The following CEP44 variants were observed in gnomAD, a reference collection of about 807,000 sequenced individuals.
CEP44 encodes the protein centrosomal protein 44, also known as centrosomal protein of 44 kDa.
A neutral mutation model predicts 46.7 loss-of-function variants in CEP44; 45 were observed. The ratio of observed to expected loss-of-function variants is 0.96; its 90% CI spans 0.76 to 1.24. The LOEUF (loss-of-function observed/expected upper bound fraction) is 1.24, where lower values mean the gene tolerates loss of function less well. Ranked by LOEUF, CEP44 falls within the 50% of genes most tolerant of loss-of-function variation. The probability of loss-of-function intolerance (pLI) is 0.00; values close to 1 mark genes in which losing one functional copy is unlikely to be tolerated. For synonymous variants in CEP44, 142 were observed against 146.0 expected (o/e 0.97, Z 0.20); for missense variants, 475 against 459.7 (o/e 1.03, Z -0.30).
Position 174,309,981 on chromosome 4 carries a change from G to A in CEP44, c.810G>A (p.Met270Ile), listed in dbSNP as rs557197307. ...AACAAAAAATGAAAGGAAAAGTGAT[G>A]GTAGATGAAAACACCTGGACTAATC... ...CLEQKMKGKV[M>I]VDENTWTNLL... Residue 270 changes from methionine (M) to isoleucine (I), a missense_variant, in exon 8 of 12, where the codon ATG (methionine) becomes ATA (isoleucine). By Grantham distance (10) the Met-to-Ile change is conservative (BLOSUM62 1). Transcript: ENST00000503780. This position sits in a 1 kb window ranked among gnomAD's most constrained non-coding sequence, Gnocchi z 5.3. The A allele has an allele frequency of 1.4e-5, 23 of 1,612,774 alleles. No individual in the cohort carries two copies. In the South Asian group the frequency reaches 1.8e-4, roughly 12 times the overall value.
At chr4:174,316,959 C>T (rs953919565) in intron 11 of CEP44, among the ~76,000 whole-genome samples, 11 of 151,490 alleles carry the variant, frequency 7.3e-5, no homozygotes, top group African/African-American at 1.7e-4. Context: ...TGGTGTTTTT[C>T]GGCAAGTTAT....
rs1331528016 is a variant in CEP44, at chr4:174,319,384, G to A, written c.*2001G>A. 3 of 984,948 alleles carry A rather than the reference G, an allele frequency of 3.0e-6. No homozygotes were observed. Among genetic ancestry groups the A allele is most frequent in the African/African-American group, 1.7e-5 (1 of 57,212 alleles). The allele number at this position is 984,948 out of a possible 1,614,324, so 61.0% of individuals were successfully genotyped here. A position where few individuals can be genotyped will look rare whatever the true frequency, so the allele number is the denominator to read the frequency against. ...GCACCACCTTGTGGTTAACATGCCA[G>A]TATTTTACCTTTTGTTAAAACAAGT... is the stretch of plus-strand genomic sequence containing the variant. On this transcript the variant is annotated 3_prime_UTR_variant, in exon 12 of 12. Coordinates refer to ENST00000503780, the MANE Select transcript of CEP44 (RefSeq NM_001040157.3).
At chr4:174,298,844 CTT>C (rs1487385070) in intron 2 of CEP44, among the ~76,000 whole-genome samples, 1 of 152,022 alleles carries the variant, frequency 6.6e-6, no homozygotes, top group Admixed American at 6.6e-5. Context: ...ATAAGGCAAA[CTT>C]ATTTTTTTGG....
In CEP44 at chr4:174,290,781, T is replaced by C. The variant is rs1345070768; in HGVS notation, c.-148+6838T>C. On this transcript the variant is annotated intron_variant, in intron 1 of 11. Coordinates refer to ENST00000503780, the MANE Select transcript of CEP44 (RefSeq NM_001040157.3). The surrounding 1 kb of genome is among the most constrained non-coding windows in gnomAD (Gnocchi z 4.3). ...CTTCTATATTGTATCGATATCTATT[T>C]CTTCCTTCAAATCTGTCAATGTTCA... 6.6e-6 allele frequency among the ~76,000 whole-genome samples: 1 copy of C among 152,248 alleles called. No individual in the cohort carries two copies. The highest frequency in any genetic ancestry group is 1.5e-5 in the Non-Finnish European group (1 of 68,034).
chr4:174,293,033 T>G (rs1455212809), intron 1 of CEP44, among the ~76,000 whole-genome samples: 1 of 152,228 alleles, frequency 6.6e-6, no homozygotes, highest in Non-Finnish European at 1.5e-5. Context: ...ATGAAGATCT[T>G]CTCTTGCTGG....
chr4:174,291,672 T>G (rs1204938957), intron 1 of CEP44, among the ~76,000 whole-genome samples: 1 of 152,044 alleles, frequency 6.6e-6, no homozygotes, highest in Non-Finnish European at 1.5e-5. Context: ...TCAGTTAACT[T>G]GAAGATCTCC....
rs1423206070 is a variant in CEP44 at position 174,329,153 on chromosome 4, G to A, written c.1087-2329G>A. ...TTTTTCGGATTTGGGATCTCACTAT[G>A]CTGCCCAGGCTAGTCTCAGACTCCT... is the stretch of plus-strand genomic sequence containing the variant. On this transcript the variant is annotated intron_variant, in intron 8 of 8. Transcript: ENST00000426172. The surrounding 1 kb of genome is among the most constrained non-coding windows in gnomAD (Gnocchi z 4.0). Among the ~76,000 whole-genome samples the A allele has an allele frequency of 6.6e-6, 1 of 151,892 alleles. No homozygotes were observed. The highest frequency in any genetic ancestry group is 2.4e-5 in the African/African-American group (1 of 41,340).
rs1369988066 is a variant in CEP44 at position 174,308,769 on chromosome 4, T to C, written c.588T>C (p.Asp196=). 1 of 1,613,282 alleles carries C rather than the reference T, an allele frequency of 6.2e-7. No homozygotes were observed. Among genetic ancestry groups the C allele is most frequent in the South Asian group, 1.1e-5 (1 of 91,040 alleles). ...AGGATACATTAAGTCCAATAACAGA[T>C]GTTAATGAAGCAGTTGATGTGTCTG... ...ISEDTLSPIT[D]VNEAVDVSDL... is the part of the protein sequence containing the mutation. Residue 196 remains aspartate, a synonymous_variant, in exon 7 of 12, where the codon GAT becomes GAC. Coordinates refer to ENST00000503780, the MANE Select transcript of CEP44 (RefSeq NM_001040157.3).
chr4:174,289,295 CTTTT>C (rs34274387), intron 1 of CEP44, among the ~76,000 whole-genome samples: 9 of 128,808 alleles, frequency 7.0e-5, no homozygotes, highest in Admixed American at 2.3e-4. Flanking sequence ...GTTCCCTCTT[CTTTT>C]TTTTTTTTTT....
At chr4:174,308,982 T>A in intron 7 of CEP44, 123 bp downstream of exon 7, 1 of 845,082 alleles carries the variant, frequency 1.2e-6, no homozygotes, top group Non-Finnish European at 1.9e-6. Context: ...ACATTTTATC[T>A]ATGTTACAAT....
Position 174,290,842 on chromosome 4 carries a change from A to G in CEP44, c.-148+6899A>G, listed in dbSNP as rs992402698. Among the ~76,000 whole-genome samples the G allele has an allele frequency of 6.6e-6, 1 of 152,178 alleles. No individual in the cohort carries two copies. Among genetic ancestry groups the G allele is most frequent in the African/African-American group, 2.4e-5 (1 of 41,440 alleles). The stretch of plus-strand genomic sequence containing the variant: ...TAAGGTGCTTTGATGTTGGGTGCAT[A>G]TGTATTTTTAGTTGTTGTATCTTTC... On this transcript the variant is annotated intron_variant, in intron 1 of 11. Transcript: ENST00000503780. This position sits in a 1 kb window ranked among gnomAD's most constrained non-coding sequence, Gnocchi z 4.3.
intron 1 of CEP44, among the ~76,000 whole-genome samples, chr4:174,291,778 T>TTTTC: frequency 7.6e-6 from 1 of 131,916 alleles, no homozygotes; most frequent in Non-Finnish European, 1.6e-5. Context: ...TCTTTTATCT[T>TTTTC]TTTCTTTTCT....
rs1224909737 is a variant in CEP44 at position 174,314,381 on chromosome 4, A to G, written c.962-1785A>G. Among the ~76,000 whole-genome samples the G allele has an allele frequency of 6.6e-6, 1 of 152,234 alleles. No homozygotes were observed. Among genetic ancestry groups the G allele is most frequent in the African/African-American group, 2.4e-5 (1 of 41,456 alleles). ...AGGATAGCAATAAGAAAAAATATAG[A>G]AATTAATGTGCAGTTAACTGATCTG... On this transcript the variant is annotated intron_variant, in intron 9 of 11. Transcript: ENST00000503780. The surrounding 1 kb of genome is among the most constrained non-coding windows in gnomAD (Gnocchi z 4.1).
intron 1 of CEP44, among the ~76,000 whole-genome samples, chr4:174,285,975 C>T (rs1249813707): frequency 2.0e-5 from 3 of 152,184 alleles, no homozygotes; most frequent in Non-Finnish European, 4.4e-5. Flanking sequence ...TTCAGGATGA[C>T]TTTCTCTTTT....
In CEP44 at chr4:174,299,225, C is replaced by G. The variant is rs777202712; in HGVS notation, c.89+15C>G. The G allele has an allele frequency of 3.2e-6, 5 of 1,580,742 alleles. No individual in the cohort carries two copies. In the South Asian group the frequency reaches 5.8e-5, roughly 18 times the overall value. On this transcript the variant is annotated intron_variant, in intron 3 of 11. Transcript: ENST00000503780. ...GACTGTGTAGGGTAAGCTATAATAT[C>G]AAACTTAATTGTATTCTTCTTGCTA...
rs1740750309 is a variant in CEP44 at position 174,308,826 on chromosome 4, A to C, written c.645A>C (p.Glu215Asp). ...ATGCTACTGAAATAAAGATGCCTGA[A>C]GTAAAGGTTCCTGAAATCAAGGCTG... is the stretch of plus-strand genomic sequence containing the variant. ...DLNATEIKMP[E>D]VKVPEIKAEQ... The change falls in exon 7 of 12, where the codon GAA becomes GAC. Residue 215 changes from glutamate to aspartate, a missense_variant. Glu to Asp is a conservative substitution (Grantham distance 45). Coordinates refer to ENST00000503780, the MANE Select transcript of CEP44 (RefSeq NM_001040157.3). The C allele has an allele frequency of 6.2e-7, 1 of 1,613,240 alleles. No homozygotes were observed. Among genetic ancestry groups the C allele is most frequent in the Non-Finnish European group, 8.5e-7 (1 of 1,179,396 alleles).
chr4:174,322,038 ATTGT>A (rs746570260), downstream of CEP44, among the ~76,000 whole-genome samples: 32 of 152,124 alleles, frequency 2.1e-4, no homozygotes, highest in Non-Finnish European at 3.4e-4. Flanking sequence ...AATTCTGATC[ATTGT>A]TTGTTGATAT....
chr4:174,307,474 G>T (rs1299604235), intron 6 of CEP44, among the ~76,000 whole-genome samples: 1 of 152,032 alleles, frequency 6.6e-6, no homozygotes, highest in Non-Finnish European at 1.5e-5. Flanking sequence ...AGATGGATTA[G>T]AGACTTAAAT....
At chr4:174,293,522 C>T (rs997880878) in intron 1 of CEP44, among the ~76,000 whole-genome samples, 1 of 152,098 alleles carries the variant, frequency 6.6e-6, no homozygotes, top group African/African-American at 2.4e-5. Flanking sequence ...AGATCATTTA[C>T]ATATTTTGTT....
Sources: allele counts gnomAD v4.1 joint callset (sites outside exome capture counted in the v4.1 genomes callset), GRCh38; gene constraint gnomAD v4.1.1; non-coding constraint Gnocchi (gnomAD v3.1); transcripts MANE v1.5; gene names NCBI Gene and HGNC (gene_info 2026-07-23, HGNC 2026-07-21).